MATN3: variants seen among roughly 807,000 people sequenced by gnomAD.
MATN3 encodes matrilin-3.
Under a neutral mutation model 45.3 loss-of-function variants are expected in MATN3, and 48 were observed. The ratio of observed to expected loss-of-function variants is 1.06; its 90% CI spans 0.84 to 1.35. The LOEUF (loss-of-function observed/expected upper bound fraction) is 1.35, where lower values mean the gene tolerates loss of function less well. Ranked by LOEUF, MATN3 falls within the 40% of genes most tolerant of loss-of-function variation. The pLI, the probability that MATN3 is intolerant of heterozygous loss-of-function variation, is 0.00. For missense variants in MATN3, 599 were observed against 628.0 expected (o/e 0.95, Z 0.49); for synonymous variants, 217 against 245.9 (o/e 0.88, Z 1.10).
Position 20,012,542 on chromosome 2 carries a change from G to T in MATN3, c.90C>A (p.Pro30=). 2 of 1,226,508 alleles carry T rather than the reference G, an allele frequency of 1.6e-6. No homozygotes were observed. Among genetic ancestry groups the T allele is most frequent in the South Asian group, 8.2e-5 (2 of 24,528 alleles). 76.0% of individuals were successfully genotyped at this position (1,226,508 alleles called of 1,614,324 possible). A position where few individuals can be genotyped will look rare whatever the true frequency, so the allele number is the denominator to read the frequency against. ...LLLLPSAAPD[P]VARPGFRRLE... ...GCCTCCGGAAGCCCGGGCGGGCCAC[G>T]GGGTCGGGGGCGGCGGAGGGCAGCA... The change falls in exon 1 of 8, where the codon CCC becomes CCA. Residue 30 remains proline, a synonymous_variant. Transcript: ENST00000407540. The surrounding 1 kb of genome is among the most constrained non-coding windows in gnomAD (Gnocchi z 4.3).
At chr2:19,996,558 G>A (rs528935665) in intron 6 of MATN3, among the ~76,000 whole-genome samples, 10 of 152,152 alleles carry the variant, frequency 6.6e-5, no homozygotes, top group Admixed American at 1.3e-4. Flanking sequence ...GTGGGAATGA[G>A]TGAGTGCAGG....
intron 6 of MATN3, 83 bp downstream of exon 6, chr2:19,997,051 C>T (rs1015056174): frequency 1.4e-6 from 2 of 1,444,876 alleles, no homozygotes; most frequent in Admixed American, 1.9e-5. Flanking sequence ...AGAATCACAA[C>T]TGTGTCTTAG....
chr2:20,007,997 C>T (rs1673145437), intron 1 of MATN3, among the ~76,000 whole-genome samples: 1 of 152,212 alleles, frequency 6.6e-6, no homozygotes, highest in South Asian at 2.1e-4. Context: ...GAGTCTCATT[C>T]TGTCACCCAG....
chr2:19,993,018 G>T lies in MATN3; in HGVS notation c.*93C>A. On this transcript the variant is annotated 3_prime_UTR_variant, in exon 8 of 8. Transcript: ENST00000407540. ...TAATACAGATAATGGCAAATTATTA[G>T]CAGGAACATTGGCAATAACAGGTGT... 1 of 958,212 alleles carries T rather than the reference G, an allele frequency of 1.0e-6. No individual in the cohort carries two copies. Among genetic ancestry groups the T allele is most frequent in the Non-Finnish European group, 1.7e-6 (1 of 593,670 alleles). The allele number at this position is 958,212 out of a possible 1,614,324, so 59.4% of individuals were successfully genotyped here.
rs997848702 is a variant in MATN3, at chr2:20,005,987, G to A, written c.547C>T (p.Pro183Ser). Residue 183 changes from proline (P) to serine (S), a missense_variant, in exon 2 of 8, where the codon CCC (proline) becomes TCC (serine). Transcript: ENST00000407540. ...AFTVEAGARE[P>S]SSNIPKVAII... ...GCCACCTTAGGGATGTTAGAAGAGG[G>A]CTCTCGAGCCCCTGCCTCCACTGTG... 2 of 1,613,830 alleles carry A rather than the reference G, an allele frequency of 1.2e-6. No homozygotes were observed. Among genetic ancestry groups the A allele is most frequent in the African/African-American group, 1.3e-5 (1 of 74,916 alleles).
At position 19,992,920 on chromosome 2, in the gene MATN3, T is replaced by C; in HGVS notation, c.*191A>G. On this transcript the variant is annotated 3_prime_UTR_variant, in exon 8 of 8. Transcript: ENST00000407540. ...TTTGCTCTTAATAAGTATCTGCATATGTATTTCCTTGGAAGAATCATGCTG... is the reference window on the plus strand; with the variant it reads ...TTTGCTCTTAATAAGTATCTGCATACGTATTTCCTTGGAAGAATCATGCTG... The C allele has an allele frequency of 1.7e-6, 1 of 588,636 alleles. No individual in the cohort carries two copies. Among genetic ancestry groups the C allele is most frequent in the Admixed American group, 3.2e-5 (1 of 30,908 alleles). The allele number at this position is 588,636 out of a possible 1,614,324, so 36.5% of individuals were successfully genotyped here.
At chr2:20,007,109 G>A (rs1673122728) in intron 1 of MATN3, among the ~76,000 whole-genome samples, 1 of 152,212 alleles carries the variant, frequency 6.6e-6, no homozygotes, top group African/African-American at 2.4e-5. Context: ...TCGGGAGACT[G>A]AGGCAGGAGA....
At chr2:20,002,451 T>A (rs1479015875) in intron 3 of MATN3, among the ~76,000 whole-genome samples, 1 of 152,204 alleles carries the variant, frequency 6.6e-6, no homozygotes, top group Non-Finnish European at 1.5e-5. Context: ...GACCAGTGAG[T>A]ACCCCTCTAA....
chr2:20,012,020 T>C lies in MATN3; in HGVS notation c.223+389A>G, dbSNP rs1268961133. On this transcript the variant is annotated intron_variant, in intron 1 of 7. Coordinates refer to ENST00000407540, the MANE Select transcript of MATN3 (RefSeq NM_002381.5). This position sits in a 1 kb window ranked among gnomAD's most constrained non-coding sequence, Gnocchi z 4.3. Reference sequence around the variant, plus strand: ...GGGGAGGAAAGATCACGCCCTGATATTGGATGGAGATGGAGAGATTCCAAG... The same window carrying C: ...GGGGAGGAAAGATCACGCCCTGATACTGGATGGAGATGGAGAGATTCCAAG... Among the ~76,000 whole-genome samples, 1 of 152,082 alleles carries C rather than the reference T, an allele frequency of 6.6e-6. No individual in the cohort carries two copies. The highest frequency in any genetic ancestry group is 1.5e-5 in the Non-Finnish European group (1 of 68,006).
chr2:20,005,246 G>A (rs912460227), intron 2 of MATN3, among the ~76,000 whole-genome samples: 3 of 152,154 alleles, frequency 2.0e-5, no homozygotes, highest in South Asian at 2.1e-4. Context: ...TCGGGCTGAC[G>A]GTGACATTGG....
At chr2:20,002,716 C>T (rs1046943218) in intron 3 of MATN3, among the ~76,000 whole-genome samples, 8 of 151,946 alleles carry the variant, frequency 5.3e-5, no homozygotes, top group Non-Finnish European at 1.0e-4. Context: ...CCTCCCATCT[C>T]GGCCTCCCAA....
Position 20,006,237 on chromosome 2 carries a change from G to A in MATN3, c.297C>T (p.Phe99=), listed in dbSNP as rs1673105117. The stretch of plus-strand genomic sequence containing the variant: ...GGGAGACAAAAGTTTTCACTTTGGT[G>A]AATTCCAGGGGCCGTACGCTACGAG... The part of the protein sequence containing the change: ...DSSRSVRPLE[F]TKVKTFVSRI... The change falls in exon 2 of 8, where the codon TTC becomes TTT. Residue 99 remains phenylalanine (F), a synonymous_variant. Coordinates refer to ENST00000407540, the MANE Select transcript of MATN3 (RefSeq NM_002381.5). 3 of 1,611,934 alleles carry A rather than the reference G, an allele frequency of 1.9e-6. No individual in the cohort carries two copies. Among genetic ancestry groups the A allele is most frequent in the Non-Finnish European group, 2.5e-6 (3 of 1,179,330 alleles).
At chr2:20,010,449 G>A (rs1673200166) in intron 1 of MATN3, among the ~76,000 whole-genome samples, 1 of 152,170 alleles carries the variant, frequency 6.6e-6, no homozygotes, top group African/African-American at 2.4e-5. Context: ...ACGTGGCAAA[G>A]AGCAGAGACT....
intron 3 of MATN3, 71 bp from the exon 4 acceptor site, chr2:20,002,151 C>T (rs1180303364): frequency 5.1e-6 from 6 of 1,184,150 alleles, no homozygotes; most frequent in South Asian, 1.3e-5. Context: ...GGCCACGCCA[C>T]TTACAGTTAT....
At position 20,001,947 on chromosome 2, in the gene MATN3, T is replaced by C. The variant is rs1672992098; in HGVS notation, c.1042+8A>G. 1 of 1,612,526 alleles carries C rather than the reference T, an allele frequency of 6.2e-7. No individual in the cohort carries two copies. The highest frequency in any genetic ancestry group is 1.3e-5 in the African/African-American group (1 of 74,992). On this transcript the variant is annotated splice_region_variant and intron_variant, in intron 4 of 7. Transcript: ENST00000407540. ...AGTAGCAATAGTAAAGACTCCTCCC[T>C]CACTTACCTGAACAAGTTTTCCTGT...
chr2:19,997,346 G>T lies in MATN3; in HGVS notation c.1169-87C>A, dbSNP rs1390334864. 4 of 1,403,474 alleles carry T rather than the reference G, an allele frequency of 2.9e-6. No individual in the cohort carries two copies. The East Asian group carries it at 1.0e-4, about 36-fold the overall frequency. 86.9% of individuals were successfully genotyped at this position (1,403,474 alleles called of 1,614,324 possible). On this transcript the variant is annotated intron_variant, in intron 5 of 7. Coordinates refer to ENST00000407540, the MANE Select transcript of MATN3 (RefSeq NM_002381.5). The stretch of plus-strand genomic sequence containing the variant: ...TGTTTGAGAGGAGAAGCTTCCATTT[G>T]GTCCCCACAAGTGCTGAGAATGTAG...
intron 1 of MATN3, among the ~76,000 whole-genome samples, chr2:20,008,278 A>C (rs987410994): frequency 6.6e-6 from 1 of 151,954 alleles, no homozygotes; most frequent in Non-Finnish European, 1.5e-5. Flanking sequence ...CTTCTTTTTC[A>C]AGTCATTCCC....
chr2:20,005,565 G>T (rs544560888), intron 2 of MATN3, among the ~76,000 whole-genome samples, 179 bp downstream of exon 2: 1 of 152,190 alleles, frequency 6.6e-6, no homozygotes, highest in Admixed American at 6.5e-5. Context: ...AACCAATAGA[G>T]TGTGTTTAGG....
At chr2:19,993,727 C>A (rs1362567403) in intron 7 of MATN3, among the ~76,000 whole-genome samples, 2 of 152,160 alleles carry the variant, frequency 1.3e-5, no homozygotes, top group African/African-American at 4.8e-5. Context: ...TAGATTGTAC[C>A]TACCACAATC....
Sources: allele counts gnomAD v4.1 joint callset (sites outside exome capture counted in the v4.1 genomes callset), GRCh38; gene constraint gnomAD v4.1.1; non-coding constraint Gnocchi (gnomAD v3.1); transcripts MANE v1.5; gene names NCBI Gene and HGNC (gene_info 2026-07-23, HGNC 2026-07-21).